The following GTF3A variants were observed in gnomAD, a reference collection of about 807,000 sequenced individuals.
GTF3A encodes the protein transcription factor IIIA.
In GTF3A, 40 loss-of-function variants were observed where a neutral mutation model predicts 37.6. That is an observed-to-expected ratio of 1.06 (90% CI 0.83 to 1.38). The LOEUF (loss-of-function observed/expected upper bound fraction) is 1.38, where lower values mean the gene tolerates loss of function less well. Among genes scored for constraint, GTF3A ranks in the 40% most tolerant of loss-of-function variants. The pLI is 0.00. For synonymous variants in GTF3A, 191 were observed against 166.7 expected (o/e 1.15, Z -1.12); for missense variants, 500 against 462.6 (o/e 1.08, Z -0.74).
chr13:27,424,632 T>C lies in GTF3A; in HGVS notation c.-106T>C, dbSNP rs1049302. On this transcript the variant is annotated 5_prime_UTR_variant, in exon 1 of 9. Coordinates refer to ENST00000381140, the MANE Select transcript of GTF3A (RefSeq NM_002097.3). ...GCGCGCTCCCGGAAGTGTGCCGGCGTCGCGCGAAGGTTCAGCAGGGAGCCG... is the reference window on the plus strand; with the variant it reads ...GCGCGCTCCCGGAAGTGTGCCGGCGCCGCGCGAAGGTTCAGCAGGGAGCCG... 0.75 allele frequency: 558,865 copies of C among 741,420 alleles called. 214,236 individuals are homozygous for C. Among genetic ancestry groups the C allele is most frequent in the South Asian group, 0.84 (15,099 of 17,930 alleles). 45.9% of individuals were successfully genotyped at this position (741,420 alleles called of 1,614,324 possible).
chr13:27,428,322 A>G (rs1953624699), intron 2 of GTF3A, among the ~76,000 whole-genome samples: 1 of 151,990 alleles, frequency 6.6e-6, no homozygotes, highest in Admixed American at 6.6e-5. Context: ...TAACTGACCC[A>G]TCAGATCCAG....
intron 1 of GTF3A, chr13:27,425,754 T>G (rs149218309): frequency 1.3e-5 from 2 of 152,228 alleles, no homozygotes; most frequent in African/African-American, 4.8e-5. Flanking sequence ...TCCCAGTTTT[T>G]GGCAGAGCTA....
chr13:27,434,936 A>G lies in GTF3A; in HGVS notation c.775A>G (p.Thr259Ala). The G allele has an allele frequency of 6.2e-7, 1 of 1,609,882 alleles. No homozygotes were observed. The highest frequency in any genetic ancestry group is 8.5e-7 in the Non-Finnish European group (1 of 1,176,180). ...AGAAGGCTGTGGAAGAACCTATACAACTGTGTTTAATCTCCAAAGCCATAT... is the reference window on the plus strand; with the variant it reads ...AGAAGGCTGTGGAAGAACCTATACAGCTGTGTTTAATCTCCAAAGCCATAT... Residue 259 changes from threonine to alanine, a missense_variant, in exon 7 of 9, where the codon ACT becomes GCT. By Grantham distance (58) the Thr-to-Ala change is moderately conservative. Coordinates refer to ENST00000381140, the MANE Select transcript of GTF3A (RefSeq NM_002097.3).
At position 27,434,978 on chromosome 13, in the gene GTF3A, G is replaced by A. The variant is rs1244130639; in HGVS notation, c.817G>A (p.Glu273Lys). ...AAGCCATATCCTCTCCTTCCATGAGGAAAGCCGCCCTTTTGTGTGTGAACA... is the reference window on the plus strand; with the variant it reads ...AAGCCATATCCTCTCCTTCCATGAGAAAAGCCGCCCTTTTGTGTGTGAACA... The change falls in exon 7 of 9, where the codon GAA becomes AAA. Residue 273 changes from glutamate to lysine, a missense_variant. By Grantham distance (56) the Glu-to-Lys change is moderately conservative. Transcript: ENST00000381140. 2 of 1,612,728 alleles carry A rather than the reference G, an allele frequency of 1.2e-6. No homozygotes were observed. Among genetic ancestry groups the A allele is most frequent in the African/African-American group, 2.7e-5 (2 of 75,038 alleles).
Position 27,434,830 on chromosome 13 carries a change from G to A in GTF3A, c.669G>A (p.Arg223=). The change falls in exon 7 of 9, where the codon CGG becomes CGA. Residue 223 remains arginine (R), a synonymous_variant. Transcript: ENST00000381140. ...AGGAAATACTATGTGAAGTATGCCG[G>A]AAAACATTTAAACGCAAAGATTACC... The A allele has an allele frequency of 6.2e-7, 1 of 1,611,640 alleles. No individual in the cohort carries two copies. Among genetic ancestry groups the A allele is most frequent in the Non-Finnish European group, 8.5e-7 (1 of 1,178,172 alleles).
chr13:27,429,055 G>A (rs558686082), intron 2 of GTF3A, among the ~76,000 whole-genome samples: 78 of 152,110 alleles, frequency 5.1e-4, no homozygotes, highest in African/African-American at 1.8e-3. Context: ...TCAGCATTCT[G>A]TCCCTGCAGT....
At position 27,435,619 on chromosome 13, in the gene GTF3A, A is replaced by G; in HGVS notation, c.*22A>G. The G allele has an allele frequency of 6.2e-7, 1 of 1,612,916 alleles. No homozygotes were observed. The highest frequency in any genetic ancestry group is 8.5e-7 in the Non-Finnish European group (1 of 1,179,010). On this transcript the variant is annotated 3_prime_UTR_variant, in exon 9 of 9. Transcript: ENST00000381140. Reference sequence around the variant, plus strand: ...CTAAGAACTGCACTGCTTTGTTTAAAGGACTGCAGACCAAGGAGCGAGCTT... The same window carrying G: ...CTAAGAACTGCACTGCTTTGTTTAAGGGACTGCAGACCAAGGAGCGAGCTT...
chr13:27,434,591 C>A (rs1953691536), intron 6 of GTF3A: 3 of 570,736 alleles, frequency 5.3e-6, no homozygotes, highest in Non-Finnish European at 3.1e-6. Context: ...TGCCTCTTGG[C>A]AAGTGAACAA....
chr13:27,430,598 GCATACCAATGAAC>G lies in GTF3A; in HGVS notation c.467_479del (p.His156LeufsTer20). 1 of 1,609,272 alleles carries G rather than the reference GCATACCAATGAAC, an allele frequency of 6.2e-7. No individual in the cohort carries two copies. Among genetic ancestry groups the G allele is most frequent in the South Asian group, 1.1e-5 (1 of 90,754 alleles). ...AGCAGCTGAAAATCCATCAGTGCCA[GCATACCAATGAAC>G]CTCTATTCAAGTAGGTACTTCATGT... On this transcript the variant is annotated frameshift_variant, in exon 4 of 9. Transcript: ENST00000381140. LOFTEE classifies it high-confidence loss of function.
rs928366694 is a variant in GTF3A, at chr13:27,428,032, G to A, written c.302+840G>A. Among the ~76,000 whole-genome samples, 9 of 152,300 alleles carry A rather than the reference G, an allele frequency of 5.9e-5. No homozygotes were observed. In the South Asian group the frequency reaches 6.2e-4, roughly 11 times the overall value. On this transcript the variant is annotated intron_variant, in intron 2 of 8. Transcript: ENST00000381140. Reference sequence around the variant, plus strand: ...CTCATGCCTGTAATCCCAGCACTTTGAGAGGCTGAGGTGGGAGGATTGCTT... The same window carrying A: ...CTCATGCCTGTAATCCCAGCACTTTAAGAGGCTGAGGTGGGAGGATTGCTT...
At chr13:27,432,222 G>A (rs1390047818) in intron 4 of GTF3A, among the ~76,000 whole-genome samples, 1 of 152,190 alleles carries the variant, frequency 6.6e-6, no homozygotes, top group Non-Finnish European at 1.5e-5. Context: ...TTGCTGCAGT[G>A]ACCTTGCCTG....
At chr13:27,426,230 T>G (rs796257197) in intron 1 of GTF3A, 4 of 152,374 alleles carry the variant, frequency 2.6e-5, no homozygotes, top group African/African-American at 9.6e-5. Flanking sequence ...GTTGAAAAAC[T>G]TGGAGTCATC....
Position 27,424,921 on chromosome 13 carries a change from T to C in GTF3A, c.184T>C (p.Cys62Arg). ...AGCCTGGAAGCTTGACGCGCACCTG[T>C]GCAAGCACACGGGGGAGGTGAGGGG... Residue 62 changes from cysteine (C) to arginine (R), a missense_variant, in exon 1 of 9, where the codon TGC (cysteine) becomes CGC (arginine). Physicochemically the swap from Cys to Arg is radical, Grantham distance 180. Transcript: ENST00000381140. 6.5e-7 allele frequency: 1 copy of C among 1,547,794 alleles called. No homozygotes were observed. Among genetic ancestry groups the C allele is most frequent in the Non-Finnish European group, 8.7e-7 (1 of 1,145,424 alleles).
At position 27,426,957 on chromosome 13, in the gene GTF3A, G is replaced by C. The variant is rs145922272; in HGVS notation, c.202-135G>C. 3.2e-5 allele frequency: 19 copies of C among 587,940 alleles called. 1 individual carries two copies. The East Asian group carries it at 5.3e-4, about 16-fold the overall frequency. The allele number at this position is 587,940 out of a possible 1,614,324, so 36.4% of individuals were successfully genotyped here. ...TGCAGGAACACTGCGTCTTGCAGTGGGTGCACAGCTCTGAGTAGAAACCAC... is the reference window on the plus strand; with the variant it reads ...TGCAGGAACACTGCGTCTTGCAGTGCGTGCACAGCTCTGAGTAGAAACCAC... On this transcript the variant is annotated intron_variant, in intron 1 of 8. Transcript: ENST00000381140.
At position 27,430,499 on chromosome 13, in the gene GTF3A, T is replaced by C. The variant is rs1279210409; in HGVS notation, c.400-34T>C. ...CGAACTGTTCATTTTGTTTTGACTT[T>C]CCATAAGACTAACGAGCCTTTACAA... is the stretch of plus-strand genomic sequence containing the variant. On this transcript the variant is annotated intron_variant, in intron 3 of 8. Transcript: ENST00000381140. 3 of 1,315,146 alleles carry C rather than the reference T, an allele frequency of 2.3e-6. No individual in the cohort carries two copies. The South Asian group carries it at 3.7e-5, about 16-fold the overall frequency. 81.5% of individuals were successfully genotyped at this position (1,315,146 alleles called of 1,614,324 possible).
intron 1 of GTF3A, 27 bp from the exon 2 acceptor site, chr13:27,427,065 G>C (rs1043999778): frequency 8.5e-7 from 1 of 1,178,186 alleles, no homozygotes; most frequent in African/African-American, 1.5e-5. Flanking sequence ...GTGCAGAAGT[G>C]ACATGCTTTT....
At chr13:27,435,343 C>A (rs1953703097) in intron 8 of GTF3A, 90 bp from the exon 9 acceptor site, 2 of 1,362,214 alleles carry the variant, frequency 1.5e-6, no homozygotes, top group Non-Finnish European at 2.1e-6. Flanking sequence ...ATGTTGTACA[C>A]TATATCTGCT....
At position 27,424,835 on chromosome 13, in the gene GTF3A, G is replaced by A. The variant is rs1410936090; in HGVS notation, c.98G>A (p.Arg33His). Residue 33 changes from arginine to histidine, a missense_variant, in exon 1 of 9, where the codon CGC becomes CAC. Coordinates refer to ENST00000381140, the MANE Select transcript of GTF3A (RefSeq NM_002097.3). Reference sequence around the variant, plus strand: ...GAGAGCTCAGCTCCGACCCCGCCGCGCCCCGCGCTTCCCAGGAGGTTCATC... The same window carrying A: ...GAGAGCTCAGCTCCGACCCCGCCGCACCCCGCGCTTCCCAGGAGGTTCATC... 2 of 1,550,762 alleles carry A rather than the reference G, an allele frequency of 1.3e-6. No homozygotes were observed. The highest frequency in any genetic ancestry group is 2.0e-5 in the Admixed American group (1 of 50,978).
intron 3 of GTF3A, among the ~76,000 whole-genome samples, 184 bp from the exon 4 acceptor site, chr13:27,430,349 T>G (rs1465599835): frequency 5.3e-5 from 8 of 152,244 alleles, no homozygotes; most frequent in African/African-American, 1.9e-4. Context: ...ACAGTTTTGC[T>G]TTTTCAAATG....
Sources: allele counts gnomAD v4.1 joint callset (sites outside exome capture counted in the v4.1 genomes callset), GRCh38; gene constraint gnomAD v4.1.1; transcripts MANE v1.5; gene names NCBI Gene and HGNC (gene_info 2026-07-23, HGNC 2026-07-21).